Variants in APBB2 observed in about 807,000 individuals in gnomAD.
APBB2 encodes the protein Fe65-like 1.
In APBB2, 38 loss-of-function variants were observed where a neutral mutation model predicts 82.5. That is an observed-to-expected ratio of 0.46 (90% CI 0.36 to 0.60). The LOEUF is 0.60. Ranked by LOEUF, APBB2 falls within the 20% of genes least tolerant of loss-of-function variation. The pLI, the probability that APBB2 is intolerant of heterozygous loss-of-function variation, is 0.00. For missense variants in APBB2, 772 were observed against 972.3 expected, an observed-to-expected ratio of 0.79 and a Z score of 2.74; for synonymous variants, 341 against 368.2, an observed-to-expected ratio of 0.93 and a Z score of 0.85.
intron 6 of APBB2, among the ~76,000 whole-genome samples, chr4:40,950,571 G>C (rs1211154703): frequency 1.3e-5 from 2 of 152,050 alleles, no homozygotes; most frequent in Non-Finnish European, 2.9e-5. Context: ...AAATTGGCCG[G>C]GTGTGGGGGC....
chr4:40,900,190 T>C (rs1774873736), intron 10 of APBB2, among the ~76,000 whole-genome samples: 1 of 152,252 alleles, frequency 6.6e-6, no homozygotes, highest in African/African-American at 2.4e-5. Context: ...CACTCAAGCC[T>C]AATTATCCTG....
intron 2 of APBB2, among the ~76,000 whole-genome samples, chr4:41,119,747 A>G (rs557362496): frequency 1.4e-4 from 22 of 151,856 alleles, no homozygotes; most frequent in Non-Finnish European, 2.8e-4. Context: ...TCCACACTGC[A>G]TTTGTGAGAT....
In APBB2 at chr4:40,856,889, AGGGAG is replaced by A. The variant is rs1422264141; in HGVS notation, c.1530-26317_1530-26313del. On this transcript the variant is annotated intron_variant, in intron 12 of 17. Transcript: ENST00000508593. ...AACTCGCTAAGCGCTGACTCGGGGA[AGGGAG>A]GGCGCAGCCTTTGTCCCGCAGGTCT... 6.3e-4 allele frequency: 594 copies of A among 941,722 alleles called. 2 individuals are homozygous for A. The African/African-American group carries it at 9.9e-3, about 16-fold the overall frequency. 58.3% of individuals were successfully genotyped at this position (941,722 alleles called of 1,614,324 possible).
intron 12 of APBB2, chr4:40,857,163 G>C: frequency 1.0e-6 from 1 of 985,416 alleles, no homozygotes; most frequent in Non-Finnish European, 1.2e-6. Flanking sequence ...GTTGAAGAGA[G>C]CGGCGCCCGC....
chr4:41,174,249 C>T (rs1017043207), intron 1 of APBB2, among the ~76,000 whole-genome samples: 5 of 152,258 alleles, frequency 3.3e-5, no homozygotes, highest in South Asian at 2.1e-4. Context: ...CTCACAATCA[C>T]GGGATTAATA....
At position 41,138,107 on chromosome 4, in the gene APBB2, C is replaced by T. The variant is rs545703907; in HGVS notation, c.-261+4880G>A. ...ACTTGAACCTGGCAGACAGCGGTTG[C>T]TGTGAGCCGAGATCACGTCACTGCA... On this transcript the variant is annotated intron_variant, in intron 2 of 17. Transcript: ENST00000508593. The T allele has an allele frequency of 3.3e-5, 5 of 152,234 alleles. No individual in the cohort carries two copies. In the South Asian group the frequency reaches 1.0e-3, roughly 32 times the overall value. The allele number at this position is 152,234 out of a possible 1,614,324, so 9.4% of individuals were successfully genotyped here.
intron 6 of APBB2, among the ~76,000 whole-genome samples, chr4:40,991,670 A>C (rs192896319): frequency 1.6e-3 from 239 of 152,206 alleles, no homozygotes; most frequent in African/African-American, 5.2e-3. Context: ...ACACACACAC[A>C]CCCTAGACTT....
intron 6 of APBB2, among the ~76,000 whole-genome samples, chr4:41,000,598 T>G (rs1360162017): frequency 2.0e-5 from 3 of 152,198 alleles, no homozygotes; most frequent in African/African-American, 7.2e-5. Flanking sequence ...AAGGAACCCA[T>G]GAGTTCCCTG....
At position 40,832,011 on chromosome 4, in the gene APBB2, T is replaced by TACACACACACACACACACACACACAC. The variant is rs1386389411; in HGVS notation, c.1530-1435_1530-1434insGTGTGTGTGTGTGTGTGTGTGTGTGT. Among the ~76,000 whole-genome samples the TACACACACACACACACACACACACAC allele has an allele frequency of 2.4e-4, 12 of 49,576 alleles. No homozygotes were observed. Among genetic ancestry groups the TACACACACACACACACACACACACAC allele is most frequent in the African/African-American group, 6.3e-4 (12 of 19,148 alleles). The allele number at this position is 49,576 out of a possible 152,430, so 32.5% of individuals were successfully genotyped here. A position where few individuals can be genotyped will look rare whatever the true frequency, so the allele number is the denominator to read the frequency against. Reference sequence around the variant, plus strand: ...ACACACATATTTATATATTTATTTATATACACACACACACACACACACACA... The same window carrying TACACACACACACACACACACACACAC: ...ACACACATATTTATATATTTATTTATACACACACACACACACACACACACACATACACACACACACACACACACACA... On this transcript the variant is annotated intron_variant, in intron 12 of 17. Coordinates refer to ENST00000508593, the MANE Select transcript of APBB2 (RefSeq NM_004307.2). The surrounding 1 kb of genome is among the most constrained non-coding windows in gnomAD (Gnocchi z 4.8).
At position 40,815,896 on chromosome 4, in the gene APBB2, T is replaced by G. The variant is rs773832404; in HGVS notation, c.*196A>C. The G allele has an allele frequency of 7.3e-5, 45 of 613,550 alleles. No homozygotes were observed. Among genetic ancestry groups the G allele is most frequent in the Non-Finnish European group, 1.0e-4 (37 of 357,620 alleles). The allele number at this position is 613,550 out of a possible 1,614,324, so 38.0% of individuals were successfully genotyped here. On this transcript the variant is annotated 3_prime_UTR_variant, in exon 18 of 18. Coordinates refer to ENST00000508593, the MANE Select transcript of APBB2 (RefSeq NM_004307.2). ...ATGATGTAACTTACAGCAAAAAAAA[T>G]TATTCATGCTTCTTTTCATATCACA...
chr4:40,969,504 A>G (rs897056537), intron 6 of APBB2, among the ~76,000 whole-genome samples: 4 of 152,226 alleles, frequency 2.6e-5, no homozygotes, highest in African/African-American at 7.2e-5. Context: ...ATGAATTTGT[A>G]TAAGTGTAAA....
intron 6 of APBB2, among the ~76,000 whole-genome samples, chr4:40,947,581 T>C (rs942534927): frequency 6.6e-6 from 1 of 152,272 alleles, no homozygotes; most frequent in Non-Finnish European, 1.5e-5. Flanking sequence ...ACCCTAGTTT[T>C]ACTAAGCTTA....
chr4:40,979,884 T>C lies in APBB2; in HGVS notation c.835+33699A>G, dbSNP rs1798057471. 2.6e-5 allele frequency among the ~76,000 whole-genome samples: 4 copies of C among 152,250 alleles called. No homozygotes were observed. The South Asian group carries it at 8.3e-4, about 32-fold the overall frequency. ...TGCAGCTCATCCATATTCAGAGTTCTGACACACAGAAGCTATGGACGTTGT... is the reference window on the plus strand; with the variant it reads ...TGCAGCTCATCCATATTCAGAGTTCCGACACACAGAAGCTATGGACGTTGT... On this transcript the variant is annotated intron_variant, in intron 6 of 17. Coordinates refer to ENST00000508593, the MANE Select transcript of APBB2 (RefSeq NM_004307.2).
chr4:40,879,378 CCT>C (rs1316760135), intron 12 of APBB2, among the ~76,000 whole-genome samples: 4 of 152,076 alleles, frequency 2.6e-5, no homozygotes, highest in African/African-American at 9.7e-5. Flanking sequence ...AAATATAACT[CCT>C]CTGAACACAA....
chr4:40,859,157 C>T (rs1762151906), intron 12 of APBB2, among the ~76,000 whole-genome samples: 1 of 152,190 alleles, frequency 6.6e-6, no homozygotes, highest in African/African-American at 2.4e-5. Context: ...TGAGGGTCTG[C>T]TGGCAGGAAG....
At position 41,013,995 on chromosome 4, in the gene APBB2, G is replaced by A. The variant is rs775692023; in HGVS notation, c.423C>T (p.His141=). The A allele has an allele frequency of 6.2e-6, 10 of 1,614,172 alleles. No individual in the cohort carries two copies. Among genetic ancestry groups the A allele is most frequent in the Non-Finnish European group, 8.5e-6 (10 of 1,180,002 alleles). The change falls in exon 6 of 18, where the codon CAC becomes CAT. Residue 141 remains histidine (H), a synonymous_variant. Transcript: ENST00000508593. ...TCTCACAGCTCGAGGAATCCTGTGG[G>A]TGGGGCTCTTTACCCTCTAACTTCT... ...TSEKLEGKEP[H]PQDSSSCEIL...
At chr4:41,176,365 A>AC (rs1553982309) in intron 1 of APBB2, among the ~76,000 whole-genome samples, 1 of 151,184 alleles carries the variant, frequency 6.6e-6, no homozygotes, top group Non-Finnish European at 1.5e-5. Context: ...TAAAGAATGT[A>AC]TTTTTTTTTA....
intron 1 of APBB2, among the ~76,000 whole-genome samples, chr4:41,157,449 A>AT (rs1413683789): frequency 9.2e-5 from 14 of 152,250 alleles, no homozygotes; most frequent in Non-Finnish European, 2.1e-4. Context: ...TCACCCCTAA[A>AT]TTTTTCACCC....
At chr4:41,037,764 A>C (rs142879018) in intron 4 of APBB2, among the ~76,000 whole-genome samples, 8 of 152,332 alleles carry the variant, frequency 5.3e-5, no homozygotes, top group African/African-American at 1.9e-4. Flanking sequence ...TCATACCTGT[A>C]ACCCCAGCAC....
Sources: allele counts gnomAD v4.1 joint callset (sites outside exome capture counted in the v4.1 genomes callset), GRCh38; gene constraint gnomAD v4.1.1; non-coding constraint Gnocchi (gnomAD v3.1); transcripts MANE v1.5; gene names NCBI Gene and HGNC (gene_info 2026-07-23, HGNC 2026-07-21).